PPP2R2C: variants seen among roughly 807,000 people sequenced by gnomAD.
PPP2R2C encodes protein phosphatase 2 regulatory subunit Bgamma.
A neutral mutation model predicts 45.3 loss-of-function variants in PPP2R2C; 10 were observed. The observed-to-expected ratio is 0.22, with a 90% CI of 0.14 to 0.37. The LOEUF is 0.37. Among genes scored for constraint, PPP2R2C ranks in the 10% least tolerant of loss-of-function variants. The pLI is 1.00. For synonymous variants in PPP2R2C, 257 were observed against 245.4 expected (o/e 1.05, Z -0.44); for missense variants, 308 against 619.7 (o/e 0.50, Z 5.34).
Position 6,345,611 on chromosome 4 carries a change from G to C in PPP2R2C, c.790+2235C>G, listed in dbSNP as rs980961341. 2.0e-5 allele frequency among the ~76,000 whole-genome samples: 3 copies of C among 152,160 alleles called. No individual in the cohort carries two copies. The highest frequency in any genetic ancestry group is 1.3e-4 in the Admixed American group (2 of 15,284). ...GATGGGGGAGGGGCCACGTGCCAGG[G>C]AACGCAGCGCCTCTAGAAGCCAGAA... On this transcript the variant is annotated intron_variant, in intron 6 of 8. Transcript: ENST00000382599. The surrounding 1 kb of genome is among the most constrained non-coding windows in gnomAD (Gnocchi z 5.3).
intron 1 of PPP2R2C, 177 bp from the exon 2 acceptor site, chr4:6,381,271 C>A: frequency 6.5e-7 from 1 of 1,531,402 alleles, no homozygotes. Context: ...CCAACCTGTC[C>A]CCTCCTGCCC....
In PPP2R2C at chr4:6,329,321, G is replaced by C; in HGVS notation, c.993C>G (p.Ser331=). Residue 331 remains serine (S), a synonymous_variant, in exon 8 of 9, where the codon TCC becomes TCG. Coordinates refer to ENST00000382599, the MANE Select transcript of PPP2R2C (RefSeq NM_020416.4). The surrounding 1 kb of genome is among the most constrained non-coding windows in gnomAD (Gnocchi z 5.8). ...VHDYLRSKLC[S]LYENDCIFDK... ...CGAAAATGCAGTCGTTCTCGTACAG[G>C]GAACAGAGCTTGCTCCGAAGGTAGT... 1 of 1,614,194 alleles carries C rather than the reference G, an allele frequency of 6.2e-7. No individual in the cohort carries two copies. The highest frequency in any genetic ancestry group is 8.5e-7 in the Non-Finnish European group (1 of 1,180,012).
upstream of PPP2R2C, among the ~76,000 whole-genome samples, chr4:6,474,371 G>A (rs933829685): frequency 2.0e-5 from 3 of 152,190 alleles, no homozygotes; most frequent in Non-Finnish European, 4.4e-5. Context: ...GGCAGGAGTG[G>A]CCCCACTGGG....
At chr4:6,455,879 A>G (rs1332917606) in intron 1 of PPP2R2C, among the ~76,000 whole-genome samples, 2 of 148,896 alleles carry the variant, frequency 1.3e-5, no homozygotes, top group African/African-American at 5.0e-5. Flanking sequence ...TGCTGCCCAC[A>G]GCCTTGCATC....
At chr4:6,524,716 C>T (rs975930238) in intron 2 of PPP2R2C, among the ~76,000 whole-genome samples, 2 of 152,224 alleles carry the variant, frequency 1.3e-5, no homozygotes, top group Non-Finnish European at 2.9e-5. Context: ...CCGTTAATCA[C>T]AAACTAAGTT....
At chr4:6,516,586 C>T (rs992552127) in intron 2 of PPP2R2C, among the ~76,000 whole-genome samples, 3 of 152,176 alleles carry the variant, frequency 2.0e-5, no homozygotes, top group Non-Finnish European at 4.4e-5. Flanking sequence ...CCTCCCAGGC[C>T]CTGTGAGCGT....
intron 5 of PPP2R2C, chr4:6,349,007 C>CA: frequency 1.0e-6 from 1 of 985,348 alleles, no homozygotes; most frequent in East Asian, 1.1e-4. Context: ...TTCAGCCTCA[C>CA]AACCTCCCCG....
chr4:6,413,807 C>A, intron 1 of PPP2R2C: 1 of 1,462,660 alleles, frequency 6.8e-7, no homozygotes. Context: ...AAGGCCACAG[C>A]TAGCAGAGGA....
At chr4:6,527,520 T>TACCATGAGAACACAGCCCCACTCCTCAAC (rs142926709) in intron 2 of PPP2R2C, among the ~76,000 whole-genome samples, 32,923 of 148,592 alleles carry the variant, frequency 0.22, 4,049 homozygotes, top group Middle Eastern at 0.37. Flanking sequence ...GCCATGAGAA[T>TACCATGAGAACACAGCCCCACTCCTCAAC]ACCATGAGAA....
chr4:6,427,017 G>A lies in PPP2R2C; in HGVS notation c.70+45143C>T, dbSNP rs183076219. Among the ~76,000 whole-genome samples the A allele has an allele frequency of 8.5e-5, 13 of 152,344 alleles. No homozygotes were observed. The East Asian group carries it at 2.1e-3, about 25-fold the overall frequency. ...TGAGATGGAAGCGGCCACATACCAC[G>A]GAGGGCACATCCAAGGGGGATGCTG... On this transcript the variant is annotated intron_variant, in intron 1 of 8. Coordinates refer to ENST00000382599, the MANE Select transcript of PPP2R2C (RefSeq NM_020416.4).
At chr4:6,386,220 C>CCTG (rs1234329216) in intron 1 of PPP2R2C, among the ~76,000 whole-genome samples, 1 of 152,224 alleles carries the variant, frequency 6.6e-6, no homozygotes, top group Non-Finnish European at 1.5e-5. Flanking sequence ...CGTTGGCTTT[C>CCTG]CTGGTCTCAT....
chr4:6,379,176 T>C (rs1430622749), intron 2 of PPP2R2C, among the ~76,000 whole-genome samples: 1 of 152,140 alleles, frequency 6.6e-6, no homozygotes, highest in African/African-American at 2.4e-5. Flanking sequence ...CAGACCTGGA[T>C]TGGAATCTGT....
In PPP2R2C at chr4:6,378,344, C is replaced by A; in HGVS notation, c.334+63G>T. On this transcript the variant is annotated intron_variant, in intron 3 of 8. Transcript: ENST00000382599. The surrounding 1 kb of genome is among the most constrained non-coding windows in gnomAD (Gnocchi z 5.2). ...GCTCACAATATAAGTGAAATACAAA[C>A]CAGCATTTGGTAGAAACATCTACGG... The A allele has an allele frequency of 6.2e-7, 1 of 1,607,298 alleles. No individual in the cohort carries two copies. Among genetic ancestry groups the A allele is most frequent in the Non-Finnish European group, 8.5e-7 (1 of 1,177,762 alleles).
chr4:6,548,599 G>C (rs1303049994), intron 1 of PPP2R2C, among the ~76,000 whole-genome samples: 1 of 152,236 alleles, frequency 6.6e-6, no homozygotes, highest in African/African-American at 2.4e-5. Flanking sequence ...AGTGTGGGCA[G>C]GTAGAGCTTC....
chr4:6,396,730 C>A (rs375852211), intron 1 of PPP2R2C, among the ~76,000 whole-genome samples: 3 of 152,230 alleles, frequency 2.0e-5, no homozygotes, highest in Admixed American at 6.5e-5. Flanking sequence ...GGAGGCAGAG[C>A]CAGGGGTTTG....
At chr4:6,537,671 C>T (rs950796568) in intron 1 of PPP2R2C, among the ~76,000 whole-genome samples, 1 of 151,722 alleles carries the variant, frequency 6.6e-6, no homozygotes, top group Admixed American at 6.6e-5. Flanking sequence ...CTGCCTCAGC[C>T]TTCCGAGTAG....
chr4:6,345,455 C>T lies in PPP2R2C; in HGVS notation c.790+2391G>A, dbSNP rs957244455. Among the ~76,000 whole-genome samples, 2 of 152,144 alleles carry T rather than the reference C, an allele frequency of 1.3e-5. No homozygotes were observed. The highest frequency in any genetic ancestry group is 2.9e-5 in the Non-Finnish European group (2 of 68,032). Reference sequence around the variant, plus strand: ...GAAATCAAGGACGCAACTCAGCCAACCTTGAGATGAGGAAGTCATCCTGGA... The same window carrying T: ...GAAATCAAGGACGCAACTCAGCCAATCTTGAGATGAGGAAGTCATCCTGGA... On this transcript the variant is annotated intron_variant, in intron 6 of 8. Transcript: ENST00000382599. This position sits in a 1 kb window ranked among gnomAD's most constrained non-coding sequence, Gnocchi z 5.3.
intron 2 of PPP2R2C, among the ~76,000 whole-genome samples, chr4:6,497,598 A>T (rs1365357345): frequency 6.6e-6 from 1 of 152,264 alleles, no homozygotes; most frequent in East Asian, 1.9e-4. Flanking sequence ...ACTTGTTATT[A>T]TAACCCTGGG....
chr4:6,344,969 C>T (rs1392540523), intron 6 of PPP2R2C, among the ~76,000 whole-genome samples: 13 of 152,190 alleles, frequency 8.5e-5, no homozygotes, highest in Non-Finnish European at 2.9e-5. Flanking sequence ...TAGATTTGCA[C>T]ACAAGTTTTC....
Sources: allele counts gnomAD v4.1 joint callset (sites outside exome capture counted in the v4.1 genomes callset), GRCh38; gene constraint gnomAD v4.1.1; non-coding constraint Gnocchi (gnomAD v3.1); transcripts MANE v1.5; gene names NCBI Gene and HGNC (gene_info 2026-07-23, HGNC 2026-07-21).